Variants in ESR1 observed in about 807,000 individuals in gnomAD.
ESR1 encodes estrogen receptor 1, also known as estrogen receptor.
ESR1 carries 12 observed loss-of-function variants against 52.7 expected under a neutral mutation model. The ratio of observed to expected loss-of-function variants is 0.23; its 90% CI spans 0.15 to 0.37. The LOEUF is 0.37. Among genes scored for constraint, ESR1 ranks in the 10% least tolerant of loss-of-function variants. The pLI is 1.00. For missense variants in ESR1, 584 were observed against 779.7 expected, an observed-to-expected ratio of 0.75 and a Z score of 2.99; for synonymous variants, 305 against 316.8, an observed-to-expected ratio of 0.96 and a Z score of 0.39.
Position 151,727,218 on chromosome 6 carries a change from T to G in ESR1, c.-71+25213T>G, listed in dbSNP as rs540460569. ...CATTAATTTTCTTTTCTTTTTTTTT[T>G]TGAGACAGAGTCTTGCTCTGTCACC... On this transcript the variant is annotated intron_variant, in intron 2 of 2. Coordinates refer to the ESR1 transcript ENST00000404742. 5.9e-5 allele frequency among the ~76,000 whole-genome samples: 9 copies of G among 152,098 alleles called. No individual in the cohort carries two copies. The South Asian group carries it at 6.2e-4, about 11-fold the overall frequency.
intron 6 of ESR1, among the ~76,000 whole-genome samples, chr6:152,088,562 G>T (rs2049929038): frequency 6.6e-6 from 1 of 152,152 alleles, no homozygotes; most frequent in South Asian, 2.1e-4. Context: ...CGGAATAACG[G>T]GTTAATGGAT....
intron 2 of ESR1, among the ~76,000 whole-genome samples, chr6:151,718,308 C>T (rs1362647514): frequency 6.6e-6 from 1 of 152,178 alleles, no homozygotes; most frequent in African/African-American, 2.4e-5. Flanking sequence ...AAGTGAAAAA[C>T]AGTGCACTAA....
intron 6 of ESR1, chr6:152,122,531 T>C (rs146389405): frequency 1.9e-6 from 3 of 1,614,046 alleles, no homozygotes; most frequent in Non-Finnish European, 1.7e-6. Flanking sequence ...TCCTCTGACA[T>C]TGGTACAAGG....
intron 5 of ESR1, 88 bp downstream of exon 5, chr6:152,011,882 G>A (rs1315898585): frequency 2.1e-6 from 3 of 1,446,318 alleles, no homozygotes; most frequent in Non-Finnish European, 2.9e-6. Flanking sequence ...TCTCGGTGAA[G>A]CTTCAGAGAA....
chr6:152,090,752 T>C (rs891775962), intron 6 of ESR1, among the ~76,000 whole-genome samples: 1 of 152,054 alleles, frequency 6.6e-6, no homozygotes, highest in African/African-American at 2.4e-5. Flanking sequence ...ACAGCAGAAT[T>C]GAGAGTGAGG....
rs2152497094 is a variant in ESR1, at chr6:152,094,616, C to A, written c.1553+48C>A. ...ACAGGAGAGACATAAAGAAAACATG[C>A]CCCCAAACCTATGTGACAGCTGGCC... is the stretch of plus-strand genomic sequence containing the variant. On this transcript the variant is annotated intron_variant, in intron 7 of 7. Coordinates refer to ENST00000206249, the MANE Select transcript of ESR1 (RefSeq NM_000125.4). The surrounding 1 kb of genome is among the most constrained non-coding windows in gnomAD (Gnocchi z 4.6). 6.4e-7 allele frequency: 1 copy of A among 1,568,938 alleles called. No homozygotes were observed. Among genetic ancestry groups the A allele is most frequent in the Non-Finnish European group, 8.7e-7 (1 of 1,146,694 alleles).
At chr6:151,945,118 C>T (rs1024416296) in intron 4 of ESR1, among the ~76,000 whole-genome samples, 5 of 151,724 alleles carry the variant, frequency 3.3e-5, no homozygotes, top group African/African-American at 4.8e-5. Context: ...TGGGGGAGGC[C>T]GAGGTGAGAG....
intron 4 of ESR1, among the ~76,000 whole-genome samples, chr6:151,988,012 G>A (rs543158274): frequency 2.6e-5 from 4 of 152,198 alleles, no homozygotes; most frequent in African/African-American, 9.6e-5. Context: ...TTTTAAAGCA[G>A]CAGTCCCCAA....
intron 5 of ESR1, among the ~76,000 whole-genome samples, chr6:152,041,499 A>G (rs2045795975): frequency 6.6e-6 from 1 of 152,226 alleles, no homozygotes; most frequent in African/African-American, 2.4e-5. Context: ...CTTAGAAGGA[A>G]TATCTTGACA....
chr6:151,950,550 T>G (rs1005939157), intron 4 of ESR1, among the ~76,000 whole-genome samples: 3 of 152,122 alleles, frequency 2.0e-5, no homozygotes, highest in Non-Finnish European at 4.4e-5. Context: ...GCACAAGCCC[T>G]AATCCAATAA....
chr6:152,060,042 C>T (rs1461677263), intron 5 of ESR1, among the ~76,000 whole-genome samples: 1 of 152,012 alleles, frequency 6.6e-6, no homozygotes, highest in Non-Finnish European at 1.5e-5. Flanking sequence ...CCCCGTCAAA[C>T]ACATCATGCC....
At chr6:152,125,517 TAAG>T in exon 7 of ESR1, 2 of 968,702 alleles carry the variant, frequency 2.1e-6, no homozygotes, top group South Asian at 2.3e-5. Flanking sequence ...TAAAGTGTCT[TAAG>T]AAGGATAGGA....
At chr6:151,857,546 C>A (rs767617343) in intron 2 of ESR1, among the ~76,000 whole-genome samples, 27 of 151,224 alleles carry the variant, frequency 1.8e-4, no homozygotes, top group Non-Finnish European at 2.8e-4. Context: ...TTTTTTAATT[C>A]GAGACCAAGT....
intron 3 of ESR1, among the ~76,000 whole-genome samples, chr6:151,908,145 A>G (rs1409380805): frequency 6.6e-6 from 1 of 152,146 alleles, no homozygotes; most frequent in Non-Finnish European, 1.5e-5. Flanking sequence ...TCGTTTATGA[A>G]TAAAATAAAA....
At chr6:151,720,578 TTTA>T (rs1372656628) in intron 2 of ESR1, among the ~76,000 whole-genome samples, 2 of 152,234 alleles carry the variant, frequency 1.3e-5, no homozygotes, top group African/African-American at 2.4e-5. Flanking sequence ...TAGAAAAACC[TTTA>T]TTAACTTATT....
chr6:152,050,433 A>T (rs1196578265), intron 5 of ESR1, among the ~76,000 whole-genome samples: 1 of 152,046 alleles, frequency 6.6e-6, no homozygotes, highest in Admixed American at 6.6e-5. Context: ...TAAGATGATG[A>T]TCCTCTGGCC....
At chr6:152,067,079 A>G (rs1379258064) in intron 6 of ESR1, among the ~76,000 whole-genome samples, 1 of 152,194 alleles carries the variant, frequency 6.6e-6, no homozygotes, top group Non-Finnish European at 1.5e-5. Context: ...GGTAATAAAT[A>G]AATCCCTGCC....
intron 6 of ESR1, among the ~76,000 whole-genome samples, chr6:152,117,822 C>G (rs541208895): frequency 4.5e-4 from 68 of 152,192 alleles, no homozygotes; most frequent in Non-Finnish European, 9.0e-4. Context: ...TATTTTAAAA[C>G]TTCAAGGGAC....
chr6:151,849,367 C>T (rs983897205), intron 2 of ESR1, among the ~76,000 whole-genome samples: 3 of 152,154 alleles, frequency 2.0e-5, no homozygotes, highest in South Asian at 4.2e-4. Context: ...GATAGATAGC[C>T]GGATGTGGTG....
Sources: allele counts gnomAD v4.1 joint callset (sites outside exome capture counted in the v4.1 genomes callset), GRCh38; gene constraint gnomAD v4.1.1; non-coding constraint Gnocchi (gnomAD v3.1); transcripts MANE v1.5; gene names NCBI Gene and HGNC (gene_info 2026-07-23, HGNC 2026-07-21).